Variants in VAT1L observed in about 807,000 individuals in gnomAD.
VAT1L encodes putative NADPH-dependent quinone oxidoreductase VAT1L.
A neutral mutation model predicts 44.1 loss-of-function variants in VAT1L; 34 were observed. The ratio of observed to expected loss-of-function variants is 0.77; its 90% confidence interval spans 0.59 to 1.03. The LOEUF (loss-of-function observed/expected upper bound fraction) is 1.03. Among genes scored for constraint, VAT1L ranks in the 50% least tolerant of loss-of-function variants. VAT1L has a pLI of 0.00. For missense variants in VAT1L, 615 were observed against 538.8 expected (o/e 1.14, Z -1.40); for synonymous variants, 253 against 202.2 (o/e 1.25, Z -2.13).
chr16:77,915,586 A>C (rs889881334), intron 7 of VAT1L, among the ~76,000 whole-genome samples: 7 of 152,194 alleles, frequency 4.6e-5, no homozygotes, highest in African/African-American at 1.7e-4. Flanking sequence ...GTGGGACTTG[A>C]GCAAAACCTT....
In VAT1L at chr16:77,857,287, T is replaced by C. The variant is rs1427758199; in HGVS notation, c.580-5461T>C. On this transcript the variant is annotated intron_variant, in intron 3 of 8. Coordinates refer to ENST00000302536, the MANE Select transcript of VAT1L (RefSeq NM_020927.3). ...TTCATTCTGTCTTCCACAAATGTTA[T>C]TGAGTCCATGCTATTTGCTAGGCAC... Among the ~76,000 whole-genome samples, 6 of 152,208 alleles carry C rather than the reference T, an allele frequency of 3.9e-5. No homozygotes were observed. The East Asian group carries it at 5.8e-4, about 15-fold the overall frequency.
intron 1 of VAT1L, among the ~76,000 whole-genome samples, chr16:77,815,477 A>G (rs2016334337): frequency 6.6e-6 from 1 of 152,048 alleles, no homozygotes; most frequent in Admixed American, 6.5e-5. Flanking sequence ...AGTATGTGAA[A>G]CTTCTCTAAT....
chr16:77,957,191 T>C (rs905995113), intron 7 of VAT1L, among the ~76,000 whole-genome samples: 27 of 152,220 alleles, frequency 1.8e-4, no homozygotes, highest in Admixed American at 1.7e-3. Flanking sequence ...GAAGGGTCTT[T>C]GGAATTCTTA....
chr16:77,920,265 GTCTAA>G (rs931417357), intron 7 of VAT1L, among the ~76,000 whole-genome samples: 10 of 152,116 alleles, frequency 6.6e-5, no homozygotes, highest in African/African-American at 2.4e-4. Flanking sequence ...TCTTGGCTGT[GTCTAA>G]TCTGATCTGG....
intron 1 of VAT1L, among the ~76,000 whole-genome samples, chr16:77,802,437 A>G (rs996867601): frequency 2.4e-4 from 36 of 152,102 alleles, no homozygotes; most frequent in African/African-American, 8.5e-4. Flanking sequence ...CAAGATGGTA[A>G]AAGCCCGTCT....
chr16:77,799,547 GT>G (rs1567466644), intron 1 of VAT1L, among the ~76,000 whole-genome samples: 28 of 116,406 alleles, frequency 2.4e-4, no homozygotes, highest in African/African-American at 6.8e-4. Context: ...GTGTGTGTGT[GT>G]GTGTGTGTGG....
chr16:77,910,836 T>A (rs192601947), intron 7 of VAT1L, among the ~76,000 whole-genome samples: 18 of 152,316 alleles, frequency 1.2e-4, no homozygotes, highest in Admixed American at 7.8e-4. Context: ...TTATTAGACA[T>A]TTGTTCAGTA....
intron 4 of VAT1L, among the ~76,000 whole-genome samples, chr16:77,865,843 G>A (rs1260254478): frequency 2.0e-5 from 3 of 152,276 alleles, no homozygotes; most frequent in African/African-American, 7.2e-5. Context: ...CATCTCTTCT[G>A]AAAAAGTAAT....
chr16:77,915,746 A>T (rs897420653), intron 7 of VAT1L, among the ~76,000 whole-genome samples: 1 of 152,220 alleles, frequency 6.6e-6, no homozygotes, highest in Non-Finnish European at 1.5e-5. Flanking sequence ...GGTTGGCTAG[A>T]AGACGGAGCC....
chr16:77,863,732 C>T (rs1178118067), intron 4 of VAT1L, among the ~76,000 whole-genome samples: 1 of 152,062 alleles, frequency 6.6e-6, no homozygotes, highest in Admixed American at 6.6e-5. Flanking sequence ...CTTGTTATCT[C>T]ATCTAATTAT....
intron 3 of VAT1L, among the ~76,000 whole-genome samples, chr16:77,826,323 A>G (rs1048702749): frequency 1.3e-5 from 2 of 152,196 alleles, no homozygotes; most frequent in Non-Finnish European, 2.9e-5. Flanking sequence ...ATTATTTGAA[A>G]TGACAAAATG....
intron 7 of VAT1L, among the ~76,000 whole-genome samples, chr16:77,971,470 C>T (rs1224793011): frequency 6.6e-6 from 1 of 152,156 alleles, no homozygotes; most frequent in Non-Finnish European, 1.5e-5. Context: ...TTGAAGTAAG[C>T]AGGGCACAAA....
chr16:77,849,615 G>A (rs188674620), intron 3 of VAT1L, among the ~76,000 whole-genome samples: 3 of 152,324 alleles, frequency 2.0e-5, no homozygotes, highest in Admixed American at 2.0e-4. Context: ...GGGACATAGA[G>A]CTTTGAAAAG....
chr16:77,836,610 G>T (rs546784732), intron 3 of VAT1L, among the ~76,000 whole-genome samples: 2 of 152,202 alleles, frequency 1.3e-5, no homozygotes, highest in South Asian at 4.2e-4. Context: ...CCGCCTCCTT[G>T]CTCCCAGAAA....
chr16:77,903,099 G>A (rs1310236351), intron 7 of VAT1L, among the ~76,000 whole-genome samples: 2 of 151,848 alleles, frequency 1.3e-5, no homozygotes, highest in Non-Finnish European at 2.9e-5. Context: ...CTTGAGAATA[G>A]TCCATCTTTG....
chr16:77,886,482 C>G (rs1267027431), intron 7 of VAT1L, among the ~76,000 whole-genome samples: 2 of 152,172 alleles, frequency 1.3e-5, no homozygotes, highest in African/African-American at 2.4e-5. Context: ...GAATTGAAAT[C>G]CAAGAGGAGT....
At chr16:77,798,300 G>C (rs746941104) in intron 1 of VAT1L, among the ~76,000 whole-genome samples, 1 of 152,184 alleles carries the variant, frequency 6.6e-6, no homozygotes, top group Non-Finnish European at 1.5e-5. Flanking sequence ...TAGGCTTCTT[G>C]GTTATAAAGT....
At chr16:77,793,392 T>A (rs1036726691) in intron 1 of VAT1L, among the ~76,000 whole-genome samples, 1 of 152,144 alleles carries the variant, frequency 6.6e-6, no homozygotes, top group African/African-American at 2.4e-5. Flanking sequence ...TACTCCTACA[T>A]AGGAGAAGCT....
intron 8 of VAT1L, 42 bp from the exon 9 acceptor site, chr16:77,977,555 T>C: frequency 6.3e-7 from 1 of 1,597,884 alleles, no homozygotes. Context: ...ATGACGAGGC[T>C]GGGTTGCACA....
Sources: allele counts gnomAD v4.1 joint callset (sites outside exome capture counted in the v4.1 genomes callset), GRCh38; gene constraint gnomAD v4.1.1; transcripts MANE v1.5; gene names NCBI Gene and HGNC (gene_info 2026-07-23, HGNC 2026-07-21).